Variants in FSTL5 observed in about 807,000 individuals in gnomAD.
The protein encoded by FSTL5 is follistatin like 5, also known as follistatin-related protein 5.
In FSTL5, 62 loss-of-function variants were observed where a neutral mutation model predicts 89.1. The ratio of observed to expected loss-of-function variants is 0.70; its 90% CI spans 0.57 to 0.86. The LOEUF is 0.86. Among genes scored for constraint, FSTL5 ranks in the 40% least tolerant of loss-of-function variants. The pLI is 0.00. For synonymous variants in FSTL5, 383 were observed against 346.2 expected (o/e 1.11, Z -1.18); for missense variants, 1,057 against 1,001.6 (o/e 1.06, Z -0.75).
rs1560932030 is a variant in FSTL5 at position 161,513,273 on chromosome 4, GAGAGA to G, written c.1313-2854_1313-2850del. Among the ~76,000 whole-genome samples the G allele has an allele frequency of 8.3e-4, 3 of 3,626 alleles. No homozygotes were observed. The East Asian group carries it at 9.6e-3, about 12-fold the overall frequency. 2.4% of individuals were successfully genotyped at this position (3,626 alleles called of 152,430 possible). A position where few individuals can be genotyped will look rare whatever the true frequency, so the allele number is the denominator to read the frequency against. On this transcript the variant is annotated intron_variant, in intron 10 of 15. Transcript: ENST00000306100. ...CTGAACTGAACCAAACAAGGAGGGG[GAGAGA>G]GAGAGAGAGAGAGAGAGAGAGAGAG...
chr4:162,093,023 T>C (rs1000359873), intron 2 of FSTL5, among the ~76,000 whole-genome samples: 1 of 151,084 alleles, frequency 6.6e-6, no homozygotes, highest in African/African-American at 2.4e-5. Flanking sequence ...GCTTATACCT[T>C]ATAAGCATAG....
chr4:161,975,887 G>A (rs999086030), intron 3 of FSTL5, among the ~76,000 whole-genome samples: 14 of 151,092 alleles, frequency 9.3e-5, no homozygotes, highest in Middle Eastern at 3.4e-3. Flanking sequence ...AGGCCGAGGC[G>A]GGCGGATCAC....
At chr4:161,519,747 A>G (rs924803717) in intron 10 of FSTL5, among the ~76,000 whole-genome samples, 6 of 152,162 alleles carry the variant, frequency 3.9e-5, no homozygotes, top group African/African-American at 7.2e-5. Flanking sequence ...ACATAATTAA[A>G]TAATTGTGAG....
intron 5 of FSTL5, among the ~76,000 whole-genome samples, chr4:161,769,592 A>G (rs1215401628): frequency 6.6e-6 from 1 of 152,000 alleles, no homozygotes; most frequent in Non-Finnish European, 1.5e-5. Context: ...AAAGCATATA[A>G]TCTTGTCAAT....
At chr4:161,685,857 A>G (rs1737692182) in intron 6 of FSTL5, among the ~76,000 whole-genome samples, 1 of 152,046 alleles carries the variant, frequency 6.6e-6, no homozygotes, top group African/African-American at 2.4e-5. Context: ...AATGCTTTCA[A>G]CTTTTCCCCA....
chr4:162,120,392 T>C (rs536062303), intron 1 of FSTL5, among the ~76,000 whole-genome samples: 96 of 152,228 alleles, frequency 6.3e-4, no homozygotes, highest in African/African-American at 2.2e-3. Flanking sequence ...AAAAACTATA[T>C]TGTAGTTATA....
intron 15 of FSTL5, among the ~76,000 whole-genome samples, chr4:161,444,721 G>C (rs1407433693): frequency 6.6e-6 from 1 of 151,652 alleles, no homozygotes; most frequent in Non-Finnish European, 1.5e-5. Context: ...ATGTAAATGG[G>C]ATAAAAGGGA....
At chr4:161,989,336 A>C (rs1312521324) in intron 3 of FSTL5, among the ~76,000 whole-genome samples, 1 of 152,172 alleles carries the variant, frequency 6.6e-6, no homozygotes, top group Non-Finnish European at 1.5e-5. Context: ...CCCAGTAATC[A>C]ATATGCTTTG....
intron 3 of FSTL5, among the ~76,000 whole-genome samples, chr4:161,939,170 A>G (rs1734511723): frequency 6.6e-6 from 1 of 151,950 alleles, no homozygotes; most frequent in Non-Finnish European, 1.5e-5. Context: ...ACTATTTTCT[A>G]TATTGGCAAG....
At chr4:162,152,451 G>A (rs561850866) in intron 1 of FSTL5, among the ~76,000 whole-genome samples, 6 of 152,088 alleles carry the variant, frequency 3.9e-5, no homozygotes, top group African/African-American at 1.2e-4. Flanking sequence ...TAATTTTTGC[G>A]TTTATTTTCT....
intron 15 of FSTL5, among the ~76,000 whole-genome samples, chr4:161,395,774 T>C (rs577936129): frequency 1.1e-4 from 17 of 152,236 alleles, no homozygotes; most frequent in African/African-American, 3.9e-4. Context: ...GTGAAATAAA[T>C]AGACTGTTCA....
chr4:161,386,399 AG>A lies in FSTL5; in HGVS notation c.1891del (p.Glu632LysfsTer11), dbSNP rs762640921. ...KDEAALQKID[L>X]ETMSYIKTIN... ...TGTCTTGATGTATGACATGGTTTCA[AG>A]ATCAATTTTTTGTAGTGCAGCTTCA... On this transcript the variant is annotated frameshift_variant, in exon 16 of 16. Transcript: ENST00000306100. LOFTEE classifies it low-confidence loss of function (END_TRUNC). 6.2e-7 allele frequency: 1 copy of A among 1,613,600 alleles called. No individual in the cohort carries two copies. Among genetic ancestry groups the A allele is most frequent in the Non-Finnish European group, 8.5e-7 (1 of 1,179,780 alleles).
chr4:161,828,317 TG>T (rs140479556), intron 4 of FSTL5, among the ~76,000 whole-genome samples: 6,823 of 152,258 alleles, frequency 0.045, 202 homozygotes, highest in Non-Finnish European at 0.069. Context: ...GGCTGTCTCC[TG>T]GGGCCTGTAG....
At chr4:161,781,588 G>A (rs946288627) in intron 4 of FSTL5, among the ~76,000 whole-genome samples, 1 of 152,020 alleles carries the variant, frequency 6.6e-6, no homozygotes, top group Non-Finnish European at 1.5e-5. Flanking sequence ...TTAAGACTTT[G>A]GTTTTTAGTG....
intron 3 of FSTL5, among the ~76,000 whole-genome samples, chr4:161,954,753 C>A (rs750560349): frequency 2.0e-5 from 3 of 151,436 alleles, no homozygotes; most frequent in Non-Finnish European, 4.4e-5. Context: ...TCTGTCAGAA[C>A]CAAAATCACT....
At chr4:161,706,834 C>A (rs557132479) in intron 6 of FSTL5, among the ~76,000 whole-genome samples, 2 of 152,016 alleles carry the variant, frequency 1.3e-5, no homozygotes, top group East Asian at 1.9e-4. Flanking sequence ...TCAGAGTAAT[C>A]CAGTTCTAGA....
In FSTL5 at chr4:161,765,569, C is replaced by T. The variant is rs765694278; in HGVS notation, c.607-6038G>A. 2.7e-4 allele frequency among the ~76,000 whole-genome samples: 41 copies of T among 152,062 alleles called. 1 individual carries two copies. The highest frequency in any genetic ancestry group is 5.0e-4 in the Non-Finnish European group (34 of 68,006). ...TTCATTTGTAAAAATGCTGCAAAAA[C>T]CTATTGGCAGTCCCATCTTGTAAGC... On this transcript the variant is annotated intron_variant, in intron 5 of 15. Transcript: ENST00000306100.
chr4:161,803,094 T>C (rs1729848977), intron 4 of FSTL5, among the ~76,000 whole-genome samples: 1 of 151,950 alleles, frequency 6.6e-6, no homozygotes, highest in South Asian at 2.1e-4. Context: ...CACTACATGA[T>C]TTCTGCATAA....
chr4:161,680,668 T>G (rs1737487235), intron 6 of FSTL5, among the ~76,000 whole-genome samples: 1 of 151,940 alleles, frequency 6.6e-6, no homozygotes, highest in African/African-American at 2.4e-5. Flanking sequence ...TTATTTCTAT[T>G]ACATAAGGAA....
Sources: gnomAD v4.1 joint callset for allele counts (sites outside exome capture counted in the v4.1 genomes callset) on GRCh38, gnomAD v4.1.1 for gene constraint, MANE v1.5 for transcripts, NCBI Gene and HGNC (gene_info 2026-07-23, HGNC 2026-07-21) for gene names.